Variants in IFFO2 observed in about 807,000 individuals in gnomAD.
The protein encoded by IFFO2 is intermediate filament family orphan 2.
A neutral mutation model predicts 53.5 loss-of-function variants in IFFO2; 19 were observed. The ratio of observed to expected loss-of-function variants is 0.36; its 90% CI spans 0.25 to 0.52. The LOEUF (loss-of-function observed/expected upper bound fraction) is 0.52, where lower values mean the gene tolerates loss of function less well. IFFO2 is among the 20% of genes least tolerant of loss of function. The pLI is 0.94. For missense variants in IFFO2, 570 were observed against 727.4 expected (o/e 0.78, Z 2.49); for synonymous variants, 303 against 313.6 (o/e 0.97, Z 0.36).
chr1:18,930,039 G>A (rs1240587844), intron 1 of IFFO2, among the ~76,000 whole-genome samples: 1 of 152,194 alleles, frequency 6.6e-6, no homozygotes, highest in Non-Finnish European at 1.5e-5. Context: ...GGAGAGGGGA[G>A]CAGGGACTCT....
rs557565234 is a variant in IFFO2 at position 18,905,973 on chromosome 1, G to T, written c.*2588C>A. On this transcript the variant is annotated 3_prime_UTR_variant, in exon 9 of 9. Transcript: ENST00000455833. ...CTGGTGCTGCCCCAGCGAGCGTTGGGGTCTTTCTTGGCAAGCTGTGGGCTC... is the reference window on the plus strand; with the variant it reads ...CTGGTGCTGCCCCAGCGAGCGTTGGTGTCTTTCTTGGCAAGCTGTGGGCTC... The T allele has an allele frequency of 6.6e-6, 1 of 152,202 alleles. No individual in the cohort carries two copies. Among genetic ancestry groups the T allele is most frequent in the Non-Finnish European group, 1.5e-5 (1 of 68,056 alleles). The allele number at this position is 152,202 out of a possible 1,614,324, so 9.4% of individuals were successfully genotyped here.
intron 1 of IFFO2, among the ~76,000 whole-genome samples, chr1:18,943,423 G>C (rs553271687): frequency 6.6e-6 from 1 of 152,198 alleles, no homozygotes; most frequent in South Asian, 2.1e-4. Flanking sequence ...AAATCCCAAA[G>C]TACTATTTGT....
intron 5 of IFFO2, among the ~76,000 whole-genome samples, chr1:18,914,027 T>C (rs1343987031): frequency 6.6e-6 from 1 of 152,048 alleles, no homozygotes; most frequent in African/African-American, 2.4e-5. Flanking sequence ...GAGACAGCGT[T>C]TCACCGTGTT....
rs1935986892 is a variant in IFFO2 at position 18,908,622 on chromosome 1, C to T, written c.1493G>A (p.Ser498Asn). Reference sequence around the variant, plus strand: ...GAACTCATCCTGGATCTCATCTGTACTTCCTGAGTCGCTGCTGGCCACGGA... The same window carrying T: ...GAACTCATCCTGGATCTCATCTGTATTTCCTGAGTCGCTGCTGGCCACGGA... ...PSSVASSDSG[S>N]TDEIQDEFER... Residue 498 changes from serine (S) to asparagine (N), a missense_variant, in exon 9 of 9, where the codon AGT (serine) becomes AAT (asparagine). Ser to Asn is a conservative substitution (Grantham distance 46). Coordinates refer to ENST00000455833, the MANE Select transcript of IFFO2 (RefSeq NM_001136265.2). The T allele has an allele frequency of 6.4e-7, 1 of 1,551,742 alleles. No homozygotes were observed. The highest frequency in any genetic ancestry group is 8.7e-7 in the Non-Finnish European group (1 of 1,146,966).
intron 1 of IFFO2, among the ~76,000 whole-genome samples, chr1:18,934,218 C>T (rs1936416819): frequency 6.6e-6 from 1 of 151,700 alleles, no homozygotes; most frequent in Non-Finnish European, 1.5e-5. Context: ...TAGGCATGAG[C>T]CACCATGCCC....
At chr1:18,944,725 C>T (rs115795626) in intron 1 of IFFO2, among the ~76,000 whole-genome samples, 1 of 152,178 alleles carries the variant, frequency 6.6e-6, no homozygotes, top group African/African-American at 2.4e-5. Flanking sequence ...CACTCATGGG[C>T]TCACAAGGCC....
Position 18,908,473 on chromosome 1 carries a change from A to C in IFFO2, c.*88T>G. The C allele has an allele frequency of 3.2e-6, 3 of 946,504 alleles. No individual in the cohort carries two copies. The East Asian group carries it at 8.0e-5, about 25-fold the overall frequency. The allele number at this position is 946,504 out of a possible 1,614,324, so 58.6% of individuals were successfully genotyped here. ...GAAAGTCTGTGTGGTGTGGCTTCGA[A>C]CCCCACTCCGAGGGGCCTTCCTGGC... On this transcript the variant is annotated 3_prime_UTR_variant, in exon 9 of 9. Coordinates refer to ENST00000455833, the MANE Select transcript of IFFO2 (RefSeq NM_001136265.2).
intron 1 of IFFO2, among the ~76,000 whole-genome samples, chr1:18,950,648 A>T (rs1188733739): frequency 6.6e-6 from 1 of 152,196 alleles, no homozygotes; most frequent in Non-Finnish European, 1.5e-5. Context: ...AGAAATAACG[A>T]AAGTGTCAAT....
intron 1 of IFFO2, among the ~76,000 whole-genome samples, chr1:18,921,769 G>A (rs905797327): frequency 2.0e-5 from 3 of 152,090 alleles, no homozygotes; most frequent in East Asian, 1.9e-4. Context: ...CTGATTTAGC[G>A]TTTACTATGT....
Position 18,908,552 on chromosome 1 carries a change from C to A in IFFO2, c.*9G>T. 1 of 1,545,558 alleles carries A rather than the reference C, an allele frequency of 6.5e-7. No individual in the cohort carries two copies. Among genetic ancestry groups the A allele is most frequent in the Non-Finnish European group, 8.8e-7 (1 of 1,141,406 alleles). On this transcript the variant is annotated 3_prime_UTR_variant, in exon 9 of 9. Coordinates refer to ENST00000455833, the MANE Select transcript of IFFO2 (RefSeq NM_001136265.2). ...CACCAAGACCACCAGGCTCGCAGGG[C>A]CTCAGTCATCAGCTGACCATGGGCT... is the stretch of plus-strand genomic sequence containing the variant.
Position 18,918,212 on chromosome 1 carries a change from G to A in IFFO2, c.963+150C>T. On this transcript the variant is annotated intron_variant, in intron 4 of 8. Coordinates refer to ENST00000455833, the MANE Select transcript of IFFO2 (RefSeq NM_001136265.2). The surrounding 1 kb of genome is among the most constrained non-coding windows in gnomAD (Gnocchi z 5.2). ...GTGCCTGATTCTACGTTTTCCTGGG[G>A]AGGCCACAGGGTCAGGTAGTGCTAC... 7.2e-6 allele frequency: 5 copies of A among 695,788 alleles called. No homozygotes were observed. Among genetic ancestry groups the A allele is most frequent in the Middle Eastern group, 4.1e-4 (1 of 2,462 alleles). The allele number at this position is 695,788 out of a possible 1,614,324, so 43.1% of individuals were successfully genotyped here. A position where few individuals can be genotyped will look rare whatever the true frequency, so the allele number is the denominator to read the frequency against.
At chr1:18,952,640 A>G (rs555973011) in intron 1 of IFFO2, among the ~76,000 whole-genome samples, 388 of 152,358 alleles carry the variant, frequency 2.5e-3, no homozygotes, top group African/African-American at 8.6e-3. Context: ...TTTCTATGAA[A>G]TGTCCGGAAA....
intron 5 of IFFO2, among the ~76,000 whole-genome samples, chr1:18,913,506 G>A (rs186948496): frequency 2.6e-4 from 39 of 152,402 alleles, no homozygotes; most frequent in African/African-American, 8.9e-4. Flanking sequence ...ACAAATCTGC[G>A]GAGTGGGGCT....
intron 1 of IFFO2, among the ~76,000 whole-genome samples, chr1:18,924,194 C>T (rs1015588738): frequency 2.0e-5 from 3 of 152,220 alleles, no homozygotes; most frequent in Non-Finnish European, 4.4e-5. Flanking sequence ...GTCCTTGGAT[C>T]GTTCTGAGGA....
Position 18,956,329 on chromosome 1 carries a change from C to T in IFFO2, c.4G>A (p.Val2Met). 2.9e-6 allele frequency: 1 copy of T among 350,034 alleles called. No individual in the cohort carries two copies. The highest frequency in any genetic ancestry group is 6.4e-5 in the South Asian group (1 of 15,726). 21.7% of individuals were successfully genotyped at this position (350,034 alleles called of 1,614,324 possible). Residue 2 changes from valine to methionine, a missense_variant, in exon 1 of 9, where the codon GTG becomes ATG. By Grantham distance (21) the Val-to-Met change is conservative. Coordinates refer to ENST00000455833, the MANE Select transcript of IFFO2 (RefSeq NM_001136265.2). This position sits in a 1 kb window ranked among gnomAD's most constrained non-coding sequence, Gnocchi z 6.4. ...ATCTCCCCGAACAGCAGCGAGTTCACCATGCGCCGGCTGCGCGGCTCAGGG... is the reference window on the plus strand; with the variant it reads ...ATCTCCCCGAACAGCAGCGAGTTCATCATGCGCCGGCTGCGCGGCTCAGGG... The part of the protein sequence containing the change: M[V>M]NSLLFGEMAL...
Position 18,956,149 on chromosome 1 carries a change from C to T in IFFO2, c.184G>A (p.Val62Met), listed in dbSNP as rs557025670. The T allele has an allele frequency of 6.7e-7, 1 of 1,495,824 alleles. No homozygotes were observed. Among genetic ancestry groups the T allele is most frequent in the Non-Finnish European group, 9.0e-7 (1 of 1,114,056 alleles). The allele number at this position is 1,495,824 out of a possible 1,614,324, so 92.7% of individuals were successfully genotyped here. ...TTAGCCAGGAAGCAGCGGAAGCGCA[C>T]GTTGAGCCCCTTCAAGAGGTGGATG... ...SNIHLLKGLN[V>M]RFRCFLAKVH... Residue 62 changes from valine (V) to methionine (M), a missense_variant, in exon 1 of 9, where the codon GTG becomes ATG. Coordinates refer to ENST00000455833, the MANE Select transcript of IFFO2 (RefSeq NM_001136265.2). This position sits in a 1 kb window ranked among gnomAD's most constrained non-coding sequence, Gnocchi z 6.4.
rs778454208 is a variant in IFFO2, at chr1:18,918,455, C to T, written c.870G>A (p.Val290=). Residue 290 remains valine, a synonymous_variant, in exon 4 of 9, where the codon GTG becomes GTA. Coordinates refer to ENST00000455833, the MANE Select transcript of IFFO2 (RefSeq NM_001136265.2). The surrounding 1 kb of genome is among the most constrained non-coding windows in gnomAD (Gnocchi z 5.2). ...CGATTCGGCGGCAGATGTCCATGTC[C>T]ACCTTCATGGCCTTTTCTTGGATCT... ...DTKIQEKAMK[V]DMDICRRIDI... is the part of the protein sequence containing the mutation. 8 of 1,561,884 alleles carry T rather than the reference C, an allele frequency of 5.1e-6. No individual in the cohort carries two copies. In the South Asian group the frequency reaches 9.5e-5, roughly 18 times the overall value.
intron 5 of IFFO2, among the ~76,000 whole-genome samples, chr1:18,913,951 C>T (rs1022739517): frequency 3.9e-5 from 6 of 152,186 alleles, no homozygotes; most frequent in Non-Finnish European, 5.9e-5. Context: ...CCTGCCTCAG[C>T]CTCCTGCGTA....
At chr1:18,935,197 A>T (rs1048320634) in intron 1 of IFFO2, among the ~76,000 whole-genome samples, 1 of 152,190 alleles carries the variant, frequency 6.6e-6, no homozygotes, top group Non-Finnish European at 1.5e-5. Flanking sequence ...TGGGTGCAGG[A>T]AGACTCCGCT....
Sources: gnomAD v4.1 joint callset for allele counts (sites outside exome capture counted in the v4.1 genomes callset) on GRCh38, gnomAD v4.1.1 for gene constraint, Gnocchi (gnomAD v3.1) non-coding constraint, MANE v1.5 for transcripts, NCBI Gene and HGNC (gene_info 2026-07-23, HGNC 2026-07-21) for gene names.